Variants in PSMB7 observed in about 807,000 individuals in gnomAD.
PSMB7 encodes proteasome subunit beta type-7.
In PSMB7, 5 loss-of-function variants were observed where a neutral mutation model predicts 28.1. The ratio of observed to expected loss-of-function variants is 0.18; its 90% confidence interval spans 0.09 to 0.37. The LOEUF is 0.37. Ranked by LOEUF, PSMB7 falls within the 10% of genes least tolerant of loss-of-function variation. The probability of loss-of-function intolerance (pLI) is 1.00; values close to 1 mark genes in which losing one functional copy is unlikely to be tolerated. For missense variants in PSMB7, 275 were observed against 346.2 expected, an observed-to-expected ratio of 0.79 and a Z score of 1.63; for synonymous variants, 122 against 123.7, an observed-to-expected ratio of 0.99 and a Z score of 0.09.
chr9:124,411,252 G>A (rs542410166), intron 4 of PSMB7, among the ~76,000 whole-genome samples: 5 of 152,238 alleles, frequency 3.3e-5, no homozygotes, highest in Middle Eastern at 3.4e-3. Flanking sequence ...GATTACAGGC[G>A]TGTGCCACCG....
At chr9:124,400,080 C>T (rs1227359666) in intron 5 of PSMB7, among the ~76,000 whole-genome samples, 1 of 152,168 alleles carries the variant, frequency 6.6e-6, no homozygotes, top group Non-Finnish European at 1.5e-5. Context: ...GCTTCTGCTG[C>T]ACCCCCTGCA....
chr9:124,357,915 C>T (rs1333145147), intron 6 of PSMB7, among the ~76,000 whole-genome samples: 2 of 152,154 alleles, frequency 1.3e-5, no homozygotes, highest in Admixed American at 6.5e-5. Context: ...AGGCTGCACA[C>T]GAGGCACTCA....
chr9:124,412,545 T>C, intron 3 of PSMB7, 53 bp from the exon 4 acceptor site: 1 of 1,592,078 alleles, frequency 6.3e-7, no homozygotes, highest in Non-Finnish European at 8.6e-7. Flanking sequence ...GAGGGCTCAA[T>C]TAGAAGTAAT....
intron 6 of PSMB7, among the ~76,000 whole-genome samples, chr9:124,381,263 GGA>G (rs990758699): frequency 6.6e-6 from 1 of 152,230 alleles, no homozygotes; most frequent in Non-Finnish European, 1.5e-5. Context: ...GTACAGGTTT[GGA>G]GATCAGGAAA....
At chr9:124,354,149 A>G (rs1830371299) in intron 7 of PSMB7, among the ~76,000 whole-genome samples, 1 of 144,792 alleles carries the variant, frequency 6.9e-6, no homozygotes, top group Non-Finnish European at 1.5e-5. Context: ...CACTGCACAA[A>G]CATCTGGAAG....
At chr9:124,395,676 C>T (rs1314381453) in intron 5 of PSMB7, among the ~76,000 whole-genome samples, 1 of 152,134 alleles carries the variant, frequency 6.6e-6, no homozygotes, top group Non-Finnish European at 1.5e-5. Context: ...TTCAGCACCC[C>T]AATAACCCTG....
intron 5 of PSMB7, among the ~76,000 whole-genome samples, chr9:124,387,171 G>A (rs775252273): frequency 5.3e-5 from 8 of 152,142 alleles, no homozygotes; most frequent in African/African-American, 1.9e-4. Flanking sequence ...GCATGAACCC[G>A]GGAGGCAGAG....
At chr9:124,370,753 T>C (rs1466763596) in intron 6 of PSMB7, among the ~76,000 whole-genome samples, 1 of 152,242 alleles carries the variant, frequency 6.6e-6, no homozygotes, top group Non-Finnish European at 1.5e-5. Context: ...TTGTAGGCAG[T>C]GGTCTCAATT....
chr9:124,398,162 G>T (rs542149692), intron 5 of PSMB7, among the ~76,000 whole-genome samples: 145 of 149,126 alleles, frequency 9.7e-4, no homozygotes, highest in African/African-American at 3.5e-3. Context: ...AACAGAGTGA[G>T]ACTCCATCTC....
At chr9:124,409,796 T>G (rs957817036) in intron 4 of PSMB7, among the ~76,000 whole-genome samples, 2 of 152,140 alleles carry the variant, frequency 1.3e-5, no homozygotes, top group African/African-American at 2.4e-5. Flanking sequence ...GTGCTGTAGG[T>G]GGGAGATGAA....
intron 6 of PSMB7, among the ~76,000 whole-genome samples, chr9:124,370,761 A>G (rs1564677546): frequency 6.6e-6 from 1 of 152,236 alleles, no homozygotes; most frequent in Non-Finnish European, 1.5e-5. Flanking sequence ...AGTGGTCTCA[A>G]TTAACACCTA....
At chr9:124,402,646 C>CAGATCAGT (rs1370613880) in intron 5 of PSMB7, among the ~76,000 whole-genome samples, 1 of 152,052 alleles carries the variant, frequency 6.6e-6, no homozygotes, top group Non-Finnish European at 1.5e-5. Flanking sequence ...GAGTAAAGGA[C>CAGATCAGT]AGATCAGTGT....
At chr9:124,391,645 C>A (rs1830788700) in intron 5 of PSMB7, among the ~76,000 whole-genome samples, 4 of 144,182 alleles carry the variant, frequency 2.8e-5, no homozygotes, top group African/African-American at 5.1e-5. Flanking sequence ...TAGTCTCATT[C>A]AAAAAAAAAA....
chr9:124,360,331 G>A (rs1443163110), intron 6 of PSMB7, among the ~76,000 whole-genome samples: 4 of 152,222 alleles, frequency 2.6e-5, no homozygotes, highest in Admixed American at 6.5e-5. Flanking sequence ...TTAGTTCTTC[G>A]TAGGGAAACT....
intron 5 of PSMB7, among the ~76,000 whole-genome samples, chr9:124,401,981 T>C (rs1830913433): frequency 6.7e-6 from 1 of 148,782 alleles, no homozygotes; most frequent in Non-Finnish European, 1.5e-5. Context: ...ATCATGCCAC[T>C]GCACACCAGA....
chr9:124,414,916 C>G lies in PSMB7; in HGVS notation c.82G>C (p.Asp28His), dbSNP rs779755103. 2.5e-6 allele frequency: 4 copies of G among 1,612,786 alleles called. No individual in the cohort carries two copies. The highest frequency in any genetic ancestry group is 3.3e-5 in the Admixed American group (2 of 59,816). ...NCRRNAVLEA[D>H]FAKRGYKLPK... The stretch of plus-strand genomic sequence containing the variant: ...AGCTTGTATCCCCTCTTTGCAAAAT[C>G]GGCTTCCAAGACGGCATTCCTAAGA... The change falls in exon 2 of 8, where the codon GAT becomes CAT. Residue 28 changes from aspartate to histidine, a missense_variant. By Grantham distance (81) the Asp-to-His change is moderately conservative. This residue lies in a region of PSMB7 where 62 missense variants were observed against 43.9 expected (regional missense o/e 1.41). Coordinates refer to ENST00000259457, the MANE Select transcript of PSMB7 (RefSeq NM_002799.4).
At chr9:124,355,400 A>G (rs573289571) in intron 7 of PSMB7, among the ~76,000 whole-genome samples, 1 of 152,376 alleles carries the variant, frequency 6.6e-6, no homozygotes, top group Non-Finnish European at 1.5e-5. Context: ...TGCGCTCAGC[A>G]CAGGTTCCCT....
chr9:124,408,627 A>G (rs1300424357), intron 4 of PSMB7, among the ~76,000 whole-genome samples: 1 of 152,196 alleles, frequency 6.6e-6, no homozygotes, highest in Non-Finnish European at 1.5e-5. Context: ...CAGGAGAGTT[A>G]CAAGTATTCA....
chr9:124,361,457 T>C (rs533751829), intron 6 of PSMB7, among the ~76,000 whole-genome samples: 2 of 152,352 alleles, frequency 1.3e-5, no homozygotes, highest in African/African-American at 4.8e-5. Flanking sequence ...TTCATTAAAC[T>C]GACCAGTAAT....
Sources: allele counts gnomAD v4.1 joint callset (sites outside exome capture counted in the v4.1 genomes callset), GRCh38; gene constraint gnomAD v4.1.1; regional missense constraint gnomAD v4.1.1; transcripts MANE v1.5; gene names NCBI Gene and HGNC (gene_info 2026-07-23, HGNC 2026-07-21).